The following DSE variants were observed in gnomAD, a reference collection of about 807,000 sequenced individuals.
The protein encoded by DSE is dermatan-sulfate epimerase.
A neutral mutation model predicts 84.4 loss-of-function variants in DSE; 36 were observed. That is an observed-to-expected ratio of 0.43 (90% CI 0.33 to 0.56). DSE has a LOEUF of 0.56. Among genes scored for constraint, DSE ranks in the 20% least tolerant of loss-of-function variants. The pLI, the probability that DSE is intolerant of heterozygous loss-of-function variation, is 0.06. For missense variants in DSE, 862 were observed against 1,169.6 expected, an observed-to-expected ratio of 0.74 and a Z score of 3.84; for synonymous variants, 410 against 430.1, an observed-to-expected ratio of 0.95 and a Z score of 0.58.
At chr6:116,331,772 C>A (rs1763135007) in intron 2 of DSE, among the ~76,000 whole-genome samples, 1 of 152,142 alleles carries the variant, frequency 6.6e-6, no homozygotes, top group African/African-American at 2.4e-5. Flanking sequence ...TCATGGCCAA[C>A]ATGGTGAAAC....
chr6:116,437,243 G>A lies in DSE; in HGVS notation c.2775G>A (p.Arg925=). Residue 925 remains arginine (R), a synonymous_variant, in exon 6 of 6, where the codon AGG becomes AGA. Transcript: ENST00000644252. ...MLAMQLTYFQ[R]AQSLHGQRCL... ...CAATGCAACTGACTTATTTCCAGAG[G>A]GCCCAGAGCCTACATGGCCAAAGAT... 1.2e-6 allele frequency: 2 copies of A among 1,613,974 alleles called. No individual in the cohort carries two copies. The highest frequency in any genetic ancestry group is 1.7e-6 in the Non-Finnish European group (2 of 1,179,970).
intron 2 of DSE, chr6:116,277,455 C>A (rs567837787): frequency 6.6e-6 from 1 of 152,520 alleles, no homozygotes; most frequent in Non-Finnish European, 1.5e-5. Context: ...ACCTTTCATC[C>A]CATCTAGATG....
intron 2 of DSE, among the ~76,000 whole-genome samples, chr6:116,299,557 TACAC>T (rs1167347090): frequency 2.9e-5 from 2 of 69,296 alleles, no homozygotes; most frequent in African/African-American, 5.2e-5. Context: ...TATATACACA[TACAC>T]ACACACACAC....
At chr6:116,422,590 A>G (rs1241900168) in intron 2 of DSE, among the ~76,000 whole-genome samples, 1 of 152,250 alleles carries the variant, frequency 6.6e-6, no homozygotes, top group Non-Finnish European at 1.5e-5. Context: ...AGAAAGATGT[A>G]TACTCAAAGA....
At chr6:116,266,632 TATG>T (rs1387882985) in intron 2 of DSE, among the ~76,000 whole-genome samples, 2 of 152,230 alleles carry the variant, frequency 1.3e-5, no homozygotes, top group African/African-American at 2.4e-5. Context: ...ATGAGTGATA[TATG>T]ATAAAACTAC....
intron 4 of DSE, chr6:116,432,560 T>C (rs1783908191): frequency 6.6e-6 from 1 of 152,032 alleles, no homozygotes; most frequent in African/African-American, 2.4e-5. Flanking sequence ...ATAATTGTGG[T>C]AACATTTTAG....
chr6:116,377,348 T>C (rs747448313), intron 1 of DSE, among the ~76,000 whole-genome samples: 2 of 152,328 alleles, frequency 1.3e-5, no homozygotes, highest in Non-Finnish European at 2.9e-5. Flanking sequence ...GTCTGTAATG[T>C]TTTTATTGAT....
intron 2 of DSE, among the ~76,000 whole-genome samples, chr6:116,318,661 T>C (rs1308965608): frequency 6.6e-6 from 1 of 152,228 alleles, no homozygotes; most frequent in Non-Finnish European, 1.5e-5. Context: ...ACGTGTCTTT[T>C]TAAAAATGAA....
chr6:116,382,592 C>T (rs1175817000), intron 1 of DSE, among the ~76,000 whole-genome samples: 1 of 152,152 alleles, frequency 6.6e-6, no homozygotes, highest in African/African-American at 2.4e-5. Context: ...TATGCTTATA[C>T]CACATAGTTT....
exon 2 of DSE, chr6:116,258,812 G>C (rs1052785139): frequency 1.2e-6 from 2 of 1,608,642 alleles, no homozygotes; most frequent in South Asian, 2.2e-5. Context: ...CCTGTGAGCA[G>C]GTGTATGACC....
intron 2 of DSE, among the ~76,000 whole-genome samples, chr6:116,305,701 A>C (rs1005190899): frequency 1.3e-5 from 2 of 151,946 alleles, no homozygotes; most frequent in African/African-American, 4.8e-5. Flanking sequence ...GCAATGGCGT[A>C]ATCTTGGCTC....
At chr6:116,256,926 T>C (rs1026663120) in intron 1 of DSE, among the ~76,000 whole-genome samples, 2 of 152,230 alleles carry the variant, frequency 1.3e-5, no homozygotes, top group Non-Finnish European at 1.5e-5. Flanking sequence ...TGACTTATGA[T>C]TCTATGGGAA....
chr6:116,312,655 G>T (rs528285706), intron 2 of DSE, among the ~76,000 whole-genome samples: 1 of 152,106 alleles, frequency 6.6e-6, no homozygotes, highest in South Asian at 2.1e-4. Flanking sequence ...GGCCTGTAAT[G>T]GAAAGACTTA....
At chr6:116,345,686 C>T (rs1389889708) in intron 2 of DSE, among the ~76,000 whole-genome samples, 1 of 151,532 alleles carries the variant, frequency 6.6e-6, no homozygotes, top group Admixed American at 6.6e-5. Flanking sequence ...AAAATTGACA[C>T]CCTAAGATCA....
At chr6:116,301,384 TACA>T (rs1775031216) in intron 2 of DSE, among the ~76,000 whole-genome samples, 1 of 152,216 alleles carries the variant, frequency 6.6e-6, no homozygotes, top group South Asian at 2.1e-4. Context: ...TGATCCTCCC[TACA>T]GCAGGGAGGT....
In DSE at chr6:116,436,619, C is replaced by A. The variant is rs765940110; in HGVS notation, c.2151C>A (p.His717Gln). ...SAFAQVIADR[H>Q]KILFDRNSAI... ...TTGCACAGGTCATTGCTGATCGTCA[C>A]AAAATTCTGTTTGACCGGAATTCAG... Residue 717 changes from histidine to glutamine, a missense_variant, in exon 6 of 6, where the codon CAC becomes CAA. Physicochemically the swap from His to Gln is conservative, Grantham distance 24. This residue lies in a region of DSE where 315 missense variants were observed against 348.1 expected (regional missense o/e 0.90). Coordinates refer to ENST00000644252, the MANE Select transcript of DSE (RefSeq NM_013352.4). The A allele has an allele frequency of 6.2e-7, 1 of 1,614,142 alleles. No homozygotes were observed. The highest frequency in any genetic ancestry group is 8.5e-7 in the Non-Finnish European group (1 of 1,180,014).
chr6:116,315,996 A>C (rs993902325), intron 2 of DSE, among the ~76,000 whole-genome samples: 4 of 152,138 alleles, frequency 2.6e-5, no homozygotes, highest in Non-Finnish European at 5.9e-5. Context: ...TCTAAAAAAA[A>C]ACTACAGATG....
At chr6:116,317,692 T>A (rs1171833853) in intron 2 of DSE, among the ~76,000 whole-genome samples, 2 of 152,246 alleles carry the variant, frequency 1.3e-5, no homozygotes, top group Non-Finnish European at 2.9e-5. Context: ...CTTATTCAAC[T>A]GGTTATTATA....
At chr6:116,396,716 G>A (rs982274292) in intron 1 of DSE, among the ~76,000 whole-genome samples, 5 of 152,142 alleles carry the variant, frequency 3.3e-5, no homozygotes, top group Admixed American at 6.6e-5. Flanking sequence ...GTAACTGGAA[G>A]CAATGTGGCA....
Sources: allele counts gnomAD v4.1 joint callset (sites outside exome capture counted in the v4.1 genomes callset), GRCh38; gene constraint gnomAD v4.1.1; regional missense constraint gnomAD v4.1.1; transcripts MANE v1.5; gene names NCBI Gene and HGNC (gene_info 2026-07-23, HGNC 2026-07-21).